The following TOM1L1 variants were observed in gnomAD, a reference collection of about 807,000 sequenced individuals.
TOM1L1 encodes TOM1-like protein 1.
TOM1L1 carries 64 observed loss-of-function variants against 63.4 expected under a neutral mutation model. The observed-to-expected ratio is 1.01, with a 90% confidence interval of 0.83 to 1.24. The LOEUF is 1.24. Among genes scored for constraint, TOM1L1 ranks in the 50% most tolerant of loss-of-function variants. The pLI, the probability that TOM1L1 is intolerant of heterozygous loss-of-function variation, is 0.00. For synonymous variants in TOM1L1, 166 were observed against 194.4 expected (o/e 0.85, Z 1.22); for missense variants, 536 against 567.0 (o/e 0.95, Z 0.55).
intron 1 of TOM1L1, among the ~76,000 whole-genome samples, chr17:54,902,789 A>G (rs540786142): frequency 1.3e-5 from 2 of 152,302 alleles, no homozygotes; most frequent in East Asian, 3.9e-4. Flanking sequence ...TACCCTTTCC[A>G]GATAACATCT....
At position 54,947,234 on chromosome 17, in the gene TOM1L1, T is replaced by C. The variant is rs751886821; in HGVS notation, c.1131-27T>C. On this transcript the variant is annotated intron_variant, in intron 11 of 15. Transcript: ENST00000575882. ...CATTTGTGTTCTCACTGTAGGGTAA[T>C]CATTCTGTGTTATCACACTATCCTA... is the stretch of plus-strand genomic sequence containing the variant. 2.5e-6 allele frequency: 4 copies of C among 1,612,546 alleles called. No homozygotes were observed. In the African/African-American group the frequency reaches 5.3e-5, roughly 22 times the overall value.
intron 1 of TOM1L1, 100 bp from the exon 2 acceptor site, chr17:54,903,608 C>G (rs563199863): frequency 9.3e-7 from 1 of 1,075,900 alleles, no homozygotes; most frequent in African/African-American, 1.6e-5. Flanking sequence ...GCAATGTAAA[C>G]TTAATGACAC....
At chr17:54,955,381 T>A (rs1040437861) in intron 14 of TOM1L1, among the ~76,000 whole-genome samples, 1 of 152,176 alleles carries the variant, frequency 6.6e-6, no homozygotes, top group Non-Finnish European at 1.5e-5. Flanking sequence ...ACTGTTCATG[T>A]AACCTTTGTA....
chr17:54,941,311 AG>A (rs1371238575), intron 11 of TOM1L1, among the ~76,000 whole-genome samples: 1 of 152,072 alleles, frequency 6.6e-6, no homozygotes, highest in African/African-American at 2.4e-5. Context: ...TAAAAGGGGG[AG>A]GGGCAGAGGG....
chr17:54,937,055 A>AT, intron 9 of TOM1L1, 54 bp from the exon 10 acceptor site: 1 of 1,413,592 alleles, frequency 7.1e-7, no homozygotes, highest in South Asian at 1.2e-5. Context: ...AAGTATGGGG[A>AT]GAAAGCTGTG....
chr17:54,937,265 G>A, intron 10 of TOM1L1, 39 bp downstream of exon 10: 1 of 1,454,334 alleles, frequency 6.9e-7, no homozygotes, highest in East Asian at 2.3e-5. Context: ...CAGCAGAAGA[G>A]CTTGATGTTA....
chr17:54,932,750 ACT>A (rs912794046), intron 8 of TOM1L1, among the ~76,000 whole-genome samples: 1 of 151,962 alleles, frequency 6.6e-6, no homozygotes, highest in Admixed American at 6.6e-5. Context: ...CACTGAAGAA[ACT>A]CACAATTGTT....
chr17:54,958,237 G>A (rs186175992), intron 14 of TOM1L1: 62 of 152,378 alleles, frequency 4.1e-4, no homozygotes, highest in Non-Finnish European at 7.9e-4. Context: ...GTGAAGAACA[G>A]TGCCAGGGGC....
chr17:54,913,705 T>C, intron 4 of TOM1L1, 43 bp from the exon 5 acceptor site: 2 of 1,556,002 alleles, frequency 1.3e-6, no homozygotes, highest in Non-Finnish European at 1.7e-6. Context: ...TTTGGTTTTG[T>C]TGCTGTTTTA....
At chr17:54,903,899 C>A in intron 2 of TOM1L1, 107 bp downstream of exon 2, 1 of 964,042 alleles carries the variant, frequency 1.0e-6, no homozygotes, top group Non-Finnish European at 1.6e-6. Flanking sequence ...AGAGTGTTTT[C>A]ATCATTCATT....
intron 11 of TOM1L1, among the ~76,000 whole-genome samples, chr17:54,945,003 A>C (rs2049094215): frequency 6.6e-6 from 1 of 152,152 alleles, no homozygotes; most frequent in African/African-American, 2.4e-5. Flanking sequence ...TTCTGGAGGC[A>C]AGAGGTCTGA....
At chr17:54,908,769 T>G (rs762111329) in intron 3 of TOM1L1, among the ~76,000 whole-genome samples, 1 of 152,184 alleles carries the variant, frequency 6.6e-6, no homozygotes, top group Non-Finnish European at 1.5e-5. Flanking sequence ...TTGTGATAAA[T>G]CTCAGCAAGA....
intron 12 of TOM1L1, among the ~76,000 whole-genome samples, chr17:54,948,149 A>G (rs2049150647): frequency 6.6e-6 from 1 of 152,170 alleles, no homozygotes; most frequent in Non-Finnish European, 1.5e-5. Flanking sequence ...CCACTTCTGC[A>G]TCTTAGTCCA....
chr17:54,929,359 C>T (rs1160874748), intron 7 of TOM1L1, among the ~76,000 whole-genome samples: 1 of 149,890 alleles, frequency 6.7e-6, no homozygotes, highest in East Asian at 1.9e-4. Flanking sequence ...ATGTAGATGG[C>T]TCTGATGCTT....
At chr17:54,917,789 C>T (rs752795148) in intron 7 of TOM1L1, among the ~76,000 whole-genome samples, 4 of 152,150 alleles carry the variant, frequency 2.6e-5, no homozygotes, top group Non-Finnish European at 5.9e-5. Context: ...TACTGCTGTG[C>T]TTGATAATAT....
At chr17:54,937,951 C>G (rs919131017) in intron 10 of TOM1L1, 8 of 152,170 alleles carry the variant, frequency 5.3e-5, no homozygotes, top group African/African-American at 1.9e-4. Flanking sequence ...ATGCTGAAAT[C>G]CAGTTTTGTC....
intron 12 of TOM1L1, among the ~76,000 whole-genome samples, chr17:54,949,201 C>CTTTTTTTTT (rs1567841055): frequency 4.0e-5 from 3 of 75,322 alleles, no homozygotes; most frequent in African/African-American, 1.7e-4. Flanking sequence ...CCATGCCCAG[C>CTTTTTTTTT]TATTTTTTTT....
intron 11 of TOM1L1, among the ~76,000 whole-genome samples, chr17:54,945,942 C>G (rs1417197625): frequency 6.6e-6 from 1 of 152,078 alleles, no homozygotes; most frequent in Non-Finnish European, 1.5e-5. Context: ...ATTTTGGATT[C>G]TATCTTGGAC....
At position 54,945,932 on chromosome 17, in the gene TOM1L1, A is replaced by G. The variant is rs114595381; in HGVS notation, c.1131-1329A>G. The stretch of plus-strand genomic sequence containing the variant: ...TTCATGGTTCTTCATATGCCTCATA[A>G]TTTTGGATTCTATCTTGGACATTTT... On this transcript the variant is annotated intron_variant, in intron 11 of 15. Transcript: ENST00000575882. Among the ~76,000 whole-genome samples, 1,429 of 152,142 alleles carry G rather than the reference A, an allele frequency of 9.4e-3. 29 individuals carry two copies. The highest frequency in any genetic ancestry group is 0.033 in the African/African-American group (1,351 of 41,490).
Sources: allele counts gnomAD v4.1 joint callset (sites outside exome capture counted in the v4.1 genomes callset), GRCh38; gene constraint gnomAD v4.1.1; transcripts MANE v1.5; gene names NCBI Gene and HGNC (gene_info 2026-07-23, HGNC 2026-07-21).